The following TTLL4 variants were observed in gnomAD, a reference collection of about 807,000 sequenced individuals.
The protein encoded by TTLL4 is tubulin tyrosine ligase like 4, also known as tubulin monoglutamylase TTLL4.
A neutral mutation model predicts 122.7 loss-of-function variants in TTLL4; 85 were observed. The observed-to-expected ratio is 0.69, with a 90% confidence interval of 0.58 to 0.83. The LOEUF (loss-of-function observed/expected upper bound fraction) is 0.83. TTLL4 is among the 40% of genes least tolerant of loss of function. TTLL4 has a pLI of 0.00. For missense variants in TTLL4, 1,363 were observed against 1,488.6 expected (o/e 0.92, Z 1.39); for synonymous variants, 553 against 563.0 (o/e 0.98, Z 0.25).
chr2:218,748,318 G>A, intron 12 of TTLL4, 91 bp downstream of exon 12: 1 of 1,538,626 alleles, frequency 6.5e-7, no homozygotes, highest in Non-Finnish European at 8.8e-7. Flanking sequence ...GGCGAGTGGA[G>A]GATTAATATA....
At chr2:218,714,796 A>G (rs1941810835) in intron 1 of TTLL4, among the ~76,000 whole-genome samples, 1 of 151,550 alleles carries the variant, frequency 6.6e-6, no homozygotes, top group Admixed American at 6.6e-5. Context: ...TTGTTTAGAG[A>G]TGGGGTCTCA....
intron 3 of TTLL4, 91 bp downstream of exon 3, chr2:218,739,254 G>A: frequency 1.4e-6 from 2 of 1,460,144 alleles, no homozygotes; most frequent in South Asian, 2.8e-5. Context: ...CTGAAGGTTG[G>A]TTTTATTTTT....
In TTLL4 at chr2:218,738,845, A is replaced by G. The variant is rs776042047; in HGVS notation, c.1169A>G (p.Gln390Arg). 10 of 1,614,216 alleles carry G rather than the reference A, an allele frequency of 6.2e-6. No individual in the cohort carries two copies. The highest frequency in any genetic ancestry group is 1.1e-5 in the South Asian group (1 of 91,082). The change falls in exon 3 of 20, where the codon CAG (glutamine) becomes CGG (arginine). Residue 390 changes from glutamine (Q) to arginine (R), a missense_variant. Coordinates refer to ENST00000392102, the MANE Select transcript of TTLL4 (RefSeq NM_014640.5). ...CCTGCGGTAAATCAGCAGTTTCCTC[A>G]GGAGGATGCTGGATCGGTCAGGCGG... ...KPPAVNQQFPQEDAGSVRRVL... is the reference protein window; with the variant it reads ...KPPAVNQQFPREDAGSVRRVL...
chr2:218,743,975 G>A (rs1051780242), intron 5 of TTLL4, among the ~76,000 whole-genome samples: 18 of 152,148 alleles, frequency 1.2e-4, no homozygotes, highest in African/African-American at 4.3e-4. Context: ...CACTGCACCC[G>A]GCCTCTATCT....
rs542414750 is a variant in TTLL4, at chr2:218,719,570, TAAA to T, written c.-177-7684_-177-7682del. 3.4e-3 allele frequency among the ~76,000 whole-genome samples: 466 copies of T among 135,778 alleles called. 1 individual carries two copies. Among genetic ancestry groups the T allele is most frequent in the African/African-American group, 0.012 (444 of 35,920 alleles). The allele number at this position is 135,778 out of a possible 152,430, so 89.1% of individuals were successfully genotyped here. Reference sequence around the variant, plus strand: ...GGTAGGAGGAAATGGAAATAAGCCTTAAAAAAAAAAAAAAAAAGATTAAGGGTC... The same window carrying T: ...GGTAGGAGGAAATGGAAATAAGCCTTAAAAAAAAAAAAAAGATTAAGGGTC... On this transcript the variant is annotated intron_variant, in intron 1 of 19. Transcript: ENST00000392102.
At chr2:218,724,371 A>T (rs150076247) in intron 1 of TTLL4, among the ~76,000 whole-genome samples, 2 of 152,308 alleles carry the variant, frequency 1.3e-5, no homozygotes, top group African/African-American at 4.8e-5. Flanking sequence ...TTAACAGTGA[A>T]TGACTCAAGC....
intron 2 of TTLL4, among the ~76,000 whole-genome samples, chr2:218,734,321 A>T (rs1405156860): frequency 6.6e-6 from 1 of 152,170 alleles, no homozygotes; most frequent in East Asian, 1.9e-4. Flanking sequence ...CCCTTCATTT[A>T]CTGTGCTTTT....
intron 1 of TTLL4, among the ~76,000 whole-genome samples, chr2:218,714,215 G>T (rs912673251): frequency 2.0e-5 from 3 of 152,226 alleles, no homozygotes; most frequent in Non-Finnish European, 4.4e-5. Context: ...GCATTGAAAG[G>T]ATGGGTAGAG....
chr2:218,740,382 A>T, intron 4 of TTLL4, 139 bp from the exon 5 acceptor site: 1 of 967,680 alleles, frequency 1.0e-6, no homozygotes, highest in Non-Finnish European at 1.6e-6. Context: ...TGAGGAAGGC[A>T]GTGCAAAGCA....
chr2:218,728,168 G>A (rs1942250550), intron 2 of TTLL4: 1 of 151,958 alleles, frequency 6.6e-6, no homozygotes, highest in African/African-American at 2.4e-5. Context: ...GTGGGTGGGG[G>A]AGGCGATGGT....
intron 4 of TTLL4, 127 bp from the exon 5 acceptor site, chr2:218,740,394 C>T (rs945359664): frequency 1.0e-4 from 105 of 1,048,706 alleles, no homozygotes; most frequent in Non-Finnish European, 1.4e-4. Context: ...TGCAAAGCAG[C>T]GGGGTGGTGC....
At chr2:218,751,848 CCTGGTCA>C (rs1203981926) in intron 16 of TTLL4, 42 bp downstream of exon 16, 2 of 1,511,868 alleles carry the variant, frequency 1.3e-6, no homozygotes, top group African/African-American at 2.8e-5. Flanking sequence ...AGAAAACTTC[CCTGGTCA>C]AACATTTGGG....
intron 14 of TTLL4, among the ~76,000 whole-genome samples, 164 bp from the exon 15 acceptor site, chr2:218,749,845 T>A (rs1485361455): frequency 6.6e-6 from 1 of 152,124 alleles, no homozygotes; most frequent in African/African-American, 2.4e-5. Flanking sequence ...TTCACCGTCT[T>A]TGGGGCAAGA....
At chr2:218,753,521 C>T (rs1036190903) in intron 18 of TTLL4, 63 bp from the exon 19 acceptor site, 44 of 1,522,664 alleles carry the variant, frequency 2.9e-5, no homozygotes, top group Non-Finnish European at 2.8e-5. Flanking sequence ...GGTACCAAGA[C>T]CCCAAACACT....
rs372828976 is a variant in TTLL4 at position 218,735,568 on chromosome 2, TCAAAA to T, written c.-98-1999_-98-1995del. On this transcript the variant is annotated intron_variant, in intron 2 of 19. Coordinates refer to ENST00000392102, the MANE Select transcript of TTLL4 (RefSeq NM_014640.5). ...CAGTTTGGGTGACAGAGCAAGACCC[TCAAAA>T]CAAAACAAAACCTCTCTGCAAATTC... Among the ~76,000 whole-genome samples, 486 of 152,146 alleles carry T rather than the reference TCAAAA, an allele frequency of 3.2e-3. 1 individual carries two copies. The highest frequency in any genetic ancestry group is 0.011 in the African/African-American group (462 of 41,506).
Position 218,748,846 on chromosome 2 carries a change from G to A in TTLL4, c.2512G>A (p.Ala838Thr), listed in dbSNP as rs1942934379. 6.2e-7 allele frequency: 1 copy of A among 1,613,968 alleles called. No homozygotes were observed. Among genetic ancestry groups the A allele is most frequent in the African/African-American group, 1.3e-5 (1 of 74,910 alleles). ...ACQGHKWALK[A>T]LWNYLSQKGV... Reference sequence around the variant, plus strand: ...CTTCCTCCTCTGCAGGGCACTGAAGGCTTTGTGGAACTACCTGAGCCAGAA... The same window carrying A: ...CTTCCTCCTCTGCAGGGCACTGAAGACTTTGTGGAACTACCTGAGCCAGAA... The change falls in exon 13 of 20, where the codon GCT becomes ACT. Residue 838 changes from alanine to threonine, a missense_variant. This residue lies in a region of TTLL4 where 596 missense variants were observed against 655.8 expected (regional missense o/e 0.91). Transcript: ENST00000392102.
Position 218,752,893 on chromosome 2 carries a change from TC to T in TTLL4, c.3109del (p.Arg1037AlafsTer28), listed in dbSNP as rs1025185663. 4 of 1,614,174 alleles carry T rather than the reference TC, an allele frequency of 2.5e-6. No individual in the cohort carries two copies. The highest frequency in any genetic ancestry group is 3.4e-6 in the Non-Finnish European group (4 of 1,180,032). ...IFPSHISSRY[L>X]RFFEQPRYFN... ...CCTTCTCATATCTCCTCTCGCTATC[TC>T]CGCTTTTTTGAGCAGCCACGATATT... On this transcript the variant is annotated frameshift_variant, in exon 17 of 20. Coordinates refer to ENST00000392102, the MANE Select transcript of TTLL4 (RefSeq NM_014640.5). LOFTEE classifies it high-confidence loss of function.
At chr2:218,737,443 A>G in intron 2 of TTLL4, 136 bp from the exon 3 acceptor site, 1 of 468,400 alleles carries the variant, frequency 2.1e-6, no homozygotes, top group Non-Finnish European at 3.8e-6. Flanking sequence ...TTCTTCTCCC[A>G]GTGCCCCAAA....
At chr2:218,753,229 C>G in intron 18 of TTLL4, 44 bp downstream of exon 18, 3 of 1,605,880 alleles carry the variant, frequency 1.9e-6, no homozygotes, top group South Asian at 2.2e-5. Flanking sequence ...TCAGGCCCCT[C>G]CCTCCTCTGC....
Sources: allele counts gnomAD v4.1 joint callset (sites outside exome capture counted in the v4.1 genomes callset), GRCh38; gene constraint gnomAD v4.1.1; regional missense constraint gnomAD v4.1.1; transcripts MANE v1.5; gene names NCBI Gene and HGNC (gene_info 2026-07-23, HGNC 2026-07-21).